The following KDM4B variants were observed in gnomAD, a reference collection of about 807,000 sequenced individuals.
KDM4B encodes lysine-specific demethylase 4B.
A neutral mutation model predicts 125.2 loss-of-function variants in KDM4B; 32 were observed. That is an observed-to-expected ratio of 0.26 (90% CI 0.19 to 0.34). The LOEUF (loss-of-function observed/expected upper bound fraction) is 0.34. Ranked by LOEUF, KDM4B falls within the 10% of genes least tolerant of loss-of-function variation. The pLI is 1.00. For synonymous variants in KDM4B, 721 were observed against 677.9 expected (o/e 1.06, Z -0.99); for missense variants, 1,190 against 1,577.7 (o/e 0.75, Z 4.16).
intron 6 of KDM4B, among the ~76,000 whole-genome samples, chr19:5,059,257 T>C (rs1020957290): frequency 6.6e-6 from 1 of 152,204 alleles, no homozygotes; most frequent in Non-Finnish European, 1.5e-5. Context: ...GCTTAAAAAT[T>C]GGGCAGCGCA....
intron 6 of KDM4B, among the ~76,000 whole-genome samples, chr19:5,057,065 T>TGTGTGTGTGCGCGCGC (rs55806859): frequency 1.6e-5 from 2 of 128,322 alleles, no homozygotes; most frequent in African/African-American, 6.4e-5. Context: ...TGTGTGTGTG[T>TGTGTGTGTGCGCGCGC]GCGCGCGCGC....
intron 1 of KDM4B, among the ~76,000 whole-genome samples, chr19:4,993,868 T>TCCTGAAGTG: frequency 6.6e-6 from 1 of 152,208 alleles, no homozygotes; most frequent in Middle Eastern, 3.4e-3. Flanking sequence ...CACCTTGGCC[T>TCCTGAAGTG]CCTGAAGTGC....
At chr19:5,050,009 C>T (rs1372376865) in intron 6 of KDM4B, among the ~76,000 whole-genome samples, 4 of 152,174 alleles carry the variant, frequency 2.6e-5, no homozygotes, top group Non-Finnish European at 5.9e-5. Context: ...CCCCCCTCTC[C>T]CTTCCTCGGG....
intron 10 of KDM4B, among the ~76,000 whole-genome samples, chr19:5,118,603 C>G (rs776630332): frequency 6.6e-6 from 1 of 152,330 alleles, no homozygotes; most frequent in Non-Finnish European, 1.5e-5. Context: ...CCCTCCGCAT[C>G]TCCAAAAAGC....
At position 5,019,384 on chromosome 19, in the gene KDM4B, A is replaced by G. The variant is rs1299886917; in HGVS notation, c.-26+3045A>G. On this transcript the variant is annotated intron_variant, in intron 2 of 22. Transcript: ENST00000159111. ...GGTGTTGGTGTGGACATTGGTGTGC[A>G]GGTGCTGGTGTGGATGTTGGTGTGC... 1.5e-4 allele frequency among the ~76,000 whole-genome samples: 16 copies of G among 109,610 alleles called. No homozygotes were observed. In the South Asian group the frequency reaches 5.3e-3, roughly 36 times the overall value. 71.9% of individuals were successfully genotyped at this position (109,610 alleles called of 152,430 possible). A position where few individuals can be genotyped will look rare whatever the true frequency, so the allele number is the denominator to read the frequency against.
At chr19:4,983,031 C>T (rs2034699157) in intron 1 of KDM4B, among the ~76,000 whole-genome samples, 2 of 151,966 alleles carry the variant, frequency 1.3e-5, no homozygotes, top group African/African-American at 4.8e-5. Context: ...TTAATTATTA[C>T]AGTGTATTGT....
chr19:5,047,413 C>A, intron 5 of KDM4B, 63 bp from the exon 6 acceptor site: 2 of 1,491,456 alleles, frequency 1.3e-6, no homozygotes, highest in Non-Finnish European at 1.8e-6. Context: ...TAGCCTGCAC[C>A]CCAGGGCTCG....
At chr19:5,068,933 A>G (rs1012492622) in intron 6 of KDM4B, among the ~76,000 whole-genome samples, 1 of 152,244 alleles carries the variant, frequency 6.6e-6, no homozygotes, top group African/African-American at 2.4e-5. Flanking sequence ...GGCTGGGGAT[A>G]CGGCATTAAT....
intron 6 of KDM4B, among the ~76,000 whole-genome samples, chr19:5,069,452 G>T (rs2037877535): frequency 6.6e-6 from 1 of 152,012 alleles, no homozygotes; most frequent in South Asian, 2.1e-4. Context: ...TGGGATTACA[G>T]GCGCCTGCCA....
chr19:5,041,043 C>G (rs1351982053), intron 4 of KDM4B, 94 bp from the exon 5 acceptor site: 2 of 782,642 alleles, frequency 2.6e-6, no homozygotes, highest in Non-Finnish European at 4.3e-6. Context: ...CCTCCCGCCT[C>G]TTTCATGGGT....
intron 5 of KDM4B, 45 bp downstream of exon 5, chr19:5,041,296 GGGT>G (rs778635498): frequency 1.6e-5 from 23 of 1,465,630 alleles, no homozygotes; most frequent in Non-Finnish European, 2.0e-5. Context: ...GCTTCCTGGT[GGGT>G]GGTGGTGGGA....
At chr19:5,008,268 T>G (rs894153146) in intron 1 of KDM4B, among the ~76,000 whole-genome samples, 1 of 152,230 alleles carries the variant, frequency 6.6e-6, no homozygotes, top group Non-Finnish European at 1.5e-5. Flanking sequence ...TTGAAAAAAC[T>G]GTTCTTTTTG....
At chr19:5,129,441 C>G (rs749261370) in intron 11 of KDM4B, among the ~76,000 whole-genome samples, 3 of 152,188 alleles carry the variant, frequency 2.0e-5, no homozygotes, top group Non-Finnish European at 4.4e-5. Context: ...GGGGGCAGCC[C>G]GTGGTGGGTT....
chr19:5,106,391 G>A (rs926101310), intron 9 of KDM4B, among the ~76,000 whole-genome samples: 15 of 152,194 alleles, frequency 9.9e-5, no homozygotes, highest in African/African-American at 3.6e-4. Context: ...AGTGTGCAAA[G>A]ATCCACGTTG....
chr19:5,084,354 T>C (rs1179846221), intron 9 of KDM4B, among the ~76,000 whole-genome samples: 1 of 144,864 alleles, frequency 6.9e-6, no homozygotes, highest in African/African-American at 2.5e-5. Flanking sequence ...TGTATGTAAT[T>C]TATATATTGT....
rs55641886 is a variant in KDM4B at position 4,994,020 on chromosome 19, GTTT to G, written c.-108-22217_-108-22215del. ...CGTTTAATTTTTATATTTTCAGCCT[GTTT>G]TTTTTTTTTTTTTTTTTTTGTTATT... On this transcript the variant is annotated intron_variant, in intron 1 of 22. Coordinates refer to ENST00000159111, the MANE Select transcript of KDM4B (RefSeq NM_015015.3). 6.9e-3 allele frequency among the ~76,000 whole-genome samples: 458 copies of G among 66,718 alleles called. 3 individuals are homozygous for G. Among genetic ancestry groups the G allele is most frequent in the African/African-American group, 0.027 (418 of 15,260 alleles). 43.8% of individuals were successfully genotyped at this position (66,718 alleles called of 152,430 possible).
intron 1 of KDM4B, among the ~76,000 whole-genome samples, chr19:4,978,367 C>T (rs1031381329): frequency 2.6e-5 from 4 of 151,606 alleles, no homozygotes; most frequent in East Asian, 1.9e-4. Context: ...CTTAGCCGGG[C>T]GCGGTGGCAC....
chr19:5,141,562 C>G lies in KDM4B; in HGVS notation c.2551-2405C>G, dbSNP rs563062322. On this transcript the variant is annotated intron_variant, in intron 18 of 22. Transcript: ENST00000159111. This position sits in a 1 kb window ranked among gnomAD's most constrained non-coding sequence, Gnocchi z 6.4. ...GGAGGCGGCGGTTAATTCCTGCTCG[C>G]CCAACCGCCCAGCCACCTTCGCGGG... is the stretch of plus-strand genomic sequence containing the variant. 23 of 152,336 alleles carry G rather than the reference C, an allele frequency of 1.5e-4. No homozygotes were observed. The East Asian group carries it at 4.4e-3, about 29-fold the overall frequency. The allele number at this position is 152,336 out of a possible 1,614,324, so 9.4% of individuals were successfully genotyped here. A position where few individuals can be genotyped will look rare whatever the true frequency, so the allele number is the denominator to read the frequency against.
At chr19:5,059,000 G>A (rs1273123609) in intron 6 of KDM4B, among the ~76,000 whole-genome samples, 1 of 152,238 alleles carries the variant, frequency 6.6e-6, no homozygotes, top group Non-Finnish European at 1.5e-5. Flanking sequence ...TGGATGAGGA[G>A]TTTATTCAGG....
Sources: gnomAD v4.1 joint callset for allele counts (sites outside exome capture counted in the v4.1 genomes callset) on GRCh38, gnomAD v4.1.1 for gene constraint, Gnocchi (gnomAD v3.1) non-coding constraint, MANE v1.5 for transcripts, NCBI Gene and HGNC (gene_info 2026-07-23, HGNC 2026-07-21) for gene names.